Variants in MAD1L1 observed in about 807,000 individuals in gnomAD.
MAD1L1 encodes the protein mitotic spindle assembly checkpoint protein MAD1.
Under a neutral mutation model 96.9 loss-of-function variants are expected in MAD1L1, and 95 were observed. That is an observed-to-expected ratio of 0.98 (90% CI 0.83 to 1.16). The LOEUF (loss-of-function observed/expected upper bound fraction) is 1.16, where lower values mean the gene tolerates loss of function less well. Among genes scored for constraint, MAD1L1 ranks in the 50% most tolerant of loss-of-function variants. The pLI, the probability that MAD1L1 is intolerant of heterozygous loss-of-function variation, is 0.00. For synonymous variants in MAD1L1, 473 were observed against 396.6 expected (o/e 1.19, Z -2.29); for missense variants, 1,007 against 954.4 (o/e 1.06, Z -0.73).
chr7:1,979,372 T>C (rs752276299), intron 15 of MAD1L1, among the ~76,000 whole-genome samples: 98 of 152,010 alleles, frequency 6.4e-4, no homozygotes, highest in Middle Eastern at 3.4e-3. Flanking sequence ...AGCAGAGGAG[T>C]GGCCAATGCA....
intron 17 of MAD1L1, among the ~76,000 whole-genome samples, chr7:1,912,684 G>T (rs912983719): frequency 2.0e-5 from 3 of 152,160 alleles, no homozygotes; most frequent in Non-Finnish European, 2.9e-5. Flanking sequence ...CACAGCCAGG[G>T]CCCCTGTGCA....
intron 10 of MAD1L1, among the ~76,000 whole-genome samples, chr7:2,154,232 AC>A (rs1238820635): frequency 6.6e-6 from 1 of 152,234 alleles, no homozygotes; most frequent in Admixed American, 6.5e-5. Flanking sequence ...AGGTGAAACC[AC>A]CAGGAACAGA....
intron 11 of MAD1L1, among the ~76,000 whole-genome samples, chr7:2,147,226 C>T (rs915704719): frequency 1.3e-5 from 2 of 152,172 alleles, no homozygotes; most frequent in African/African-American, 4.8e-5. Context: ...AGTCACATGA[C>T]CAGCAAGGAG....
chr7:1,895,380 G>A (rs1164393930), intron 18 of MAD1L1, among the ~76,000 whole-genome samples: 1 of 152,154 alleles, frequency 6.6e-6, no homozygotes, highest in Non-Finnish European at 1.5e-5. Context: ...AGCTGCACTT[G>A]GGCACCAGCC....
chr7:1,854,942 G>A (rs1015405191), intron 18 of MAD1L1, among the ~76,000 whole-genome samples: 1 of 152,256 alleles, frequency 6.6e-6, no homozygotes, highest in Non-Finnish European at 1.5e-5. Context: ...AGCTGCCGCT[G>A]TGGCTCCATG....
chr7:2,182,350 G>T lies in MAD1L1; in HGVS notation c.986+30862C>A, dbSNP rs568849527. On this transcript the variant is annotated intron_variant, in intron 10 of 18. Transcript: ENST00000265854. The stretch of plus-strand genomic sequence containing the variant: ...TAAGAAAAAAGACATCATAATAAGG[G>T]TTAAAAATTCAGAGAAACCGGAATC... Among the ~76,000 whole-genome samples, 48 of 152,006 alleles carry T rather than the reference G, an allele frequency of 3.2e-4. 1 individual carries two copies. In the South Asian group the frequency reaches 1.0e-2, roughly 32 times the overall value.
intron 11 of MAD1L1, among the ~76,000 whole-genome samples, chr7:2,106,996 CGT>C (rs1787135532): frequency 6.6e-6 from 1 of 152,078 alleles, no homozygotes; most frequent in Non-Finnish European, 1.5e-5. Context: ...CTCCTGACGC[CGT>C]GTGTTCTCAC....
intron 10 of MAD1L1, among the ~76,000 whole-genome samples, chr7:2,182,671 C>T (rs574196336): frequency 6.6e-6 from 1 of 152,254 alleles, no homozygotes; most frequent in African/African-American, 2.4e-5. Flanking sequence ...GGGTAGACGC[C>T]CCTTGAGAAC....
At chr7:2,227,271 G>C (rs1254261544) in intron 3 of MAD1L1, among the ~76,000 whole-genome samples, 1 of 152,178 alleles carries the variant, frequency 6.6e-6, no homozygotes, top group East Asian at 1.9e-4. Context: ...ACTCCAGCCT[G>C]GATGACAGAG....
chr7:2,122,025 G>A (rs1788006378), intron 11 of MAD1L1, among the ~76,000 whole-genome samples: 2 of 152,242 alleles, frequency 1.3e-5, no homozygotes, highest in Admixed American at 1.3e-4. Context: ...TGGGGAGGGG[G>A]AGACTGGAGG....
chr7:2,170,376 G>C (rs778812048), intron 10 of MAD1L1, among the ~76,000 whole-genome samples: 1 of 152,232 alleles, frequency 6.6e-6, no homozygotes, highest in Non-Finnish European at 1.5e-5. Context: ...TTCGGGGCTG[G>C]AGTGGGCCGT....
At chr7:1,867,294 G>A (rs536541269) in intron 18 of MAD1L1, among the ~76,000 whole-genome samples, 20 of 152,276 alleles carry the variant, frequency 1.3e-4, no homozygotes, top group African/African-American at 4.8e-4. Flanking sequence ...GGGGAATGCC[G>A]GGACAAGGAA....
At chr7:2,071,192 G>A (rs778166315) in intron 11 of MAD1L1, among the ~76,000 whole-genome samples, 27 of 150,102 alleles carry the variant, frequency 1.8e-4, no homozygotes, top group African/African-American at 5.2e-4. Flanking sequence ...AAGTGAATAC[G>A]GGGTTTTTAA....
At chr7:2,109,992 G>C (rs550331927) in intron 11 of MAD1L1, among the ~76,000 whole-genome samples, 1 of 152,352 alleles carries the variant, frequency 6.6e-6, no homozygotes, top group Admixed American at 6.5e-5. Context: ...GCACAGTTGT[G>C]AGAGTGCAGA....
At chr7:1,895,218 C>G (rs974515444) in intron 18 of MAD1L1, among the ~76,000 whole-genome samples, 4 of 152,234 alleles carry the variant, frequency 2.6e-5, no homozygotes, top group Non-Finnish European at 4.4e-5. Context: ...GGGGACTTCA[C>G]TGCTCAGAAA....
intron 12 of MAD1L1, among the ~76,000 whole-genome samples, chr7:2,020,370 C>A (rs1375599871): frequency 6.6e-6 from 1 of 152,258 alleles, no homozygotes; most frequent in Non-Finnish European, 1.5e-5. Flanking sequence ...TGCACCCGGC[C>A]CCGGCACCAT....
At chr7:2,108,894 G>T (rs1055432812) in intron 11 of MAD1L1, among the ~76,000 whole-genome samples, 1 of 152,214 alleles carries the variant, frequency 6.6e-6, no homozygotes, top group African/African-American at 2.4e-5. Flanking sequence ...CTTCTTCACT[G>T]GCACATCTCT....
chr7:2,167,815 C>T (rs904198138), intron 10 of MAD1L1, among the ~76,000 whole-genome samples: 1 of 151,712 alleles, frequency 6.6e-6, no homozygotes, highest in Non-Finnish European at 1.5e-5. Context: ...GCAGGAGGAT[C>T]GTGTAAGCCA....
At chr7:1,944,621 G>A (rs1779146342) in intron 16 of MAD1L1, among the ~76,000 whole-genome samples, 1 of 152,142 alleles carries the variant, frequency 6.6e-6, no homozygotes, top group South Asian at 2.1e-4. Context: ...ATCCTGCTTG[G>A]GCTGGGAAAT....
Sources: gnomAD v4.1 joint callset for allele counts (sites outside exome capture counted in the v4.1 genomes callset) on GRCh38, gnomAD v4.1.1 for gene constraint, MANE v1.5 for transcripts, NCBI Gene and HGNC (gene_info 2026-07-23, HGNC 2026-07-21) for gene names.